Variants in RALYL observed in about 807,000 individuals in gnomAD.
RALYL encodes RNA-binding Raly-like protein.
RALYL carries 29 observed loss-of-function variants against 35.1 expected under a neutral mutation model. The ratio of observed to expected loss-of-function variants is 0.83; its 90% confidence interval spans 0.61 to 1.13. The LOEUF (loss-of-function observed/expected upper bound fraction) is 1.13, where lower values mean the gene tolerates loss of function less well. RALYL is among the 50% of genes most tolerant of loss of function. RALYL has a pLI of 0.00. For synonymous variants in RALYL, 120 were observed against 127.6 expected (o/e 0.94, Z 0.40); for missense variants, 359 against 360.4 (o/e 1.00, Z 0.03).
chr8:84,190,264 A>G (rs1813544497), intron 1 of RALYL, among the ~76,000 whole-genome samples: 1 of 152,196 alleles, frequency 6.6e-6, no homozygotes, highest in South Asian at 2.1e-4. Context: ...TTTTACTGTT[A>G]CACATATTTG....
At chr8:84,598,616 G>C (rs545599348) in intron 2 of RALYL, among the ~76,000 whole-genome samples, 1 of 152,024 alleles carries the variant, frequency 6.6e-6, no homozygotes, top group Non-Finnish European at 1.5e-5. Context: ...AGTGTTTGTT[G>C]AATAAATTAA....
chr8:84,391,052 T>C (rs1860567146), intron 1 of RALYL, among the ~76,000 whole-genome samples: 2 of 152,004 alleles, frequency 1.3e-5, no homozygotes, highest in Admixed American at 6.6e-5. Flanking sequence ...GAGGTGAGAA[T>C]TGAGACACTG....
chr8:84,831,062 GAAC>G, intron 4 of RALYL, among the ~76,000 whole-genome samples: 1 of 151,546 alleles, frequency 6.6e-6, no homozygotes, highest in South Asian at 2.1e-4. Context: ...GCAAAAATGA[GAAC>G]AAAAGAAAAA....
intron 2 of RALYL, among the ~76,000 whole-genome samples, chr8:84,744,521 T>C (rs1808150619): frequency 6.6e-6 from 1 of 152,040 alleles, no homozygotes; most frequent in Non-Finnish European, 1.5e-5. Context: ...TCTAATTTCT[T>C]GACCTTTGTG....
intron 1 of RALYL, among the ~76,000 whole-genome samples, chr8:84,289,510 T>C (rs1175457787): frequency 6.6e-6 from 1 of 152,146 alleles, no homozygotes; most frequent in Non-Finnish European, 1.5e-5. Context: ...AACCAGTTGA[T>C]TTGTATTGGG....
intron 2 of RALYL, among the ~76,000 whole-genome samples, chr8:84,689,629 T>A (rs1283723568): frequency 6.6e-6 from 1 of 152,100 alleles, no homozygotes; most frequent in Non-Finnish European, 1.5e-5. Context: ...TATTTCTAGT[T>A]CTAGATCCCT....
intron 2 of RALYL, among the ~76,000 whole-genome samples, chr8:84,670,301 A>C (rs183225705): frequency 1.3e-5 from 2 of 152,154 alleles, no homozygotes; most frequent in Admixed American, 1.3e-4. Context: ...GAGTTACACA[A>C]CTCTTGCTGC....
intron 8 of RALYL, among the ~76,000 whole-genome samples, chr8:84,918,900 C>G (rs943953254): frequency 2.6e-5 from 4 of 151,776 alleles, no homozygotes; most frequent in African/African-American, 9.7e-5. Flanking sequence ...CTTTCTTTCC[C>G]CAATAATTAT....
chr8:84,265,972 T>C (rs958695503), intron 1 of RALYL, among the ~76,000 whole-genome samples: 14 of 152,190 alleles, frequency 9.2e-5, no homozygotes, highest in Non-Finnish European at 2.1e-4. Context: ...TACATGAGCC[T>C]CCTTTTAAAT....
At chr8:84,238,381 A>G (rs1827088188) in intron 1 of RALYL, among the ~76,000 whole-genome samples, 1 of 152,006 alleles carries the variant, frequency 6.6e-6, no homozygotes, top group Non-Finnish European at 1.5e-5. Flanking sequence ...TTTTCTCCGA[A>G]GACTCAAATC....
At chr8:84,371,953 A>G (rs561963054) in intron 1 of RALYL, among the ~76,000 whole-genome samples, 34 of 151,994 alleles carry the variant, frequency 2.2e-4, no homozygotes, top group African/African-American at 8.0e-4. Context: ...GCCCGCTAAT[A>G]AAACACTCAG....
intron 1 of RALYL, among the ~76,000 whole-genome samples, chr8:84,397,466 T>C (rs916039213): frequency 1.3e-5 from 2 of 152,152 alleles, no homozygotes; most frequent in Non-Finnish European, 2.9e-5. Context: ...CAGAGATGAT[T>C]AGCTATTAGA....
intron 1 of RALYL, among the ~76,000 whole-genome samples, chr8:84,342,737 C>T (rs1849093214): frequency 6.6e-6 from 1 of 151,928 alleles, no homozygotes; most frequent in Non-Finnish European, 1.5e-5. Flanking sequence ...TCAGATGGTG[C>T]TTTACCTTGG....
At chr8:84,405,061 C>A (rs1433655225) in intron 1 of RALYL, among the ~76,000 whole-genome samples, 1 of 152,126 alleles carries the variant, frequency 6.6e-6, no homozygotes, top group Admixed American at 6.5e-5. Context: ...TTAAGAAACT[C>A]ACTGAAAACC....
intron 1 of RALYL, among the ~76,000 whole-genome samples, chr8:84,457,430 G>A (rs775810146): frequency 6.6e-6 from 1 of 151,650 alleles, no homozygotes; most frequent in Admixed American, 6.6e-5. Context: ...AATCATGTAG[G>A]CCATGTTGCC....
At chr8:84,481,114 G>A (rs1316844220) in intron 1 of RALYL, among the ~76,000 whole-genome samples, 1 of 152,080 alleles carries the variant, frequency 6.6e-6, no homozygotes, top group Non-Finnish European at 1.5e-5. Context: ...CTTGGCCAAA[G>A]CAAGATAAAA....
chr8:84,673,523 C>T (rs1451708888), intron 2 of RALYL, among the ~76,000 whole-genome samples: 2 of 151,956 alleles, frequency 1.3e-5, no homozygotes, highest in African/African-American at 2.4e-5. Flanking sequence ...TTACATTTTA[C>T]ATTTAAAATC....
chr8:84,859,832 G>A (rs912952020), intron 5 of RALYL, among the ~76,000 whole-genome samples: 1 of 152,022 alleles, frequency 6.6e-6, no homozygotes, highest in Non-Finnish European at 1.5e-5. Context: ...GTGACAGAGT[G>A]ACACTCTGTC....
intron 1 of RALYL, among the ~76,000 whole-genome samples, chr8:84,519,062 A>G (rs1480981524): frequency 6.6e-6 from 1 of 152,206 alleles, no homozygotes; most frequent in Admixed American, 6.5e-5. Context: ...TTCTTTCTAC[A>G]TTGCTGTCTT....
Sources: allele counts gnomAD v4.1 joint callset (sites outside exome capture counted in the v4.1 genomes callset), GRCh38; gene constraint gnomAD v4.1.1; transcripts MANE v1.5; gene names NCBI Gene and HGNC (gene_info 2026-07-23, HGNC 2026-07-21).